NEDD4L: variants seen among roughly 807,000 people sequenced by gnomAD.
The protein encoded by NEDD4L is NEDD4 like E3 ubiquitin protein ligase.
In NEDD4L, 54 loss-of-function variants were observed where a neutral mutation model predicts 148.9. That is an observed-to-expected ratio of 0.36 (90% CI 0.29 to 0.45). NEDD4L has a LOEUF of 0.45. Among genes scored for constraint, NEDD4L ranks in the 20% least tolerant of loss-of-function variants. NEDD4L has a pLI of 1.00. For missense variants in NEDD4L, 856 were observed against 1,233.8 expected, an observed-to-expected ratio of 0.69 and a Z score of 4.59; for synonymous variants, 433 against 440.7, an observed-to-expected ratio of 0.98 and a Z score of 0.22.
chr18:58,045,486 C>G (rs1598902654), intron 1 of NEDD4L: 1 of 193,558 alleles, frequency 5.2e-6, no homozygotes, highest in Non-Finnish European at 1.0e-5. Context: ...CCCAGGCGGT[C>G]GGTTTCACTG....
intron 1 of NEDD4L, among the ~76,000 whole-genome samples, chr18:58,072,864 G>A (rs1179084938): frequency 7.2e-5 from 8 of 110,756 alleles, no homozygotes; most frequent in Non-Finnish European, 1.2e-4. Context: ...TAAGGCGCGC[G>A]CGCGCGCGCA....
intron 1 of NEDD4L, among the ~76,000 whole-genome samples, chr18:58,109,085 A>G (rs1428344182): frequency 6.6e-6 from 1 of 152,254 alleles, no homozygotes; most frequent in Non-Finnish European, 1.5e-5. Flanking sequence ...TATAGCAAGA[A>G]AATTTGGATC....
At chr18:58,272,702 T>C in intron 5 of NEDD4L, among the ~76,000 whole-genome samples, 1 of 152,166 alleles carries the variant, frequency 6.6e-6, no homozygotes, top group East Asian at 1.9e-4. Flanking sequence ...AGTTTGGTGA[T>C]TCACTTGCTG....
At chr18:58,148,815 CT>C (rs1414038997) in intron 1 of NEDD4L, among the ~76,000 whole-genome samples, 1 of 152,186 alleles carries the variant, frequency 6.6e-6, no homozygotes, top group East Asian at 1.9e-4. Context: ...TCATATTAAG[CT>C]TTATGGAAGA....
intron 5 of NEDD4L, among the ~76,000 whole-genome samples, chr18:58,266,771 A>G (rs1172913599): frequency 6.6e-6 from 1 of 152,130 alleles, no homozygotes; most frequent in Non-Finnish European, 1.5e-5. Flanking sequence ...AGTGATTTTT[A>G]AACACTTAAG....
In NEDD4L at chr18:58,141,223, G is replaced by A. The variant is rs191545498; in HGVS notation, c.49-24565G>A. Among the ~76,000 whole-genome samples, 587 of 152,278 alleles carry A rather than the reference G, an allele frequency of 3.9e-3. 1 individual carries two copies. The highest frequency in any genetic ancestry group is 6.5e-3 in the Non-Finnish European group (442 of 68,026). On this transcript the variant is annotated intron_variant, in intron 1 of 30. Transcript: ENST00000400345. ...CTGGTGTTGGAGGTCATTACCTGGCGGGGGATGTGGTAGATAAAGCACCTT... is the reference window on the plus strand; with the variant it reads ...CTGGTGTTGGAGGTCATTACCTGGCAGGGGATGTGGTAGATAAAGCACCTT...
chr18:58,234,795 G>A (rs2045812303), intron 2 of NEDD4L, among the ~76,000 whole-genome samples: 1 of 152,174 alleles, frequency 6.6e-6, no homozygotes, highest in South Asian at 2.1e-4. Context: ...CCAAGTTCAA[G>A]ATCTTGCCTC....
intron 1 of NEDD4L, among the ~76,000 whole-genome samples, chr18:58,097,209 A>G (rs1249227459): frequency 6.6e-6 from 1 of 152,226 alleles, no homozygotes; most frequent in African/African-American, 2.4e-5. Flanking sequence ...AAATGAGACC[A>G]TTGTAAATGA....
intron 2 of NEDD4L, among the ~76,000 whole-genome samples, chr18:58,242,715 A>G (rs926023135): frequency 1.3e-5 from 2 of 152,088 alleles, no homozygotes; most frequent in Non-Finnish European, 2.9e-5. Context: ...CATGTTGCCC[A>G]GGCTGGTCTT....
At chr18:58,314,809 C>A (rs1179526019) in intron 5 of NEDD4L, among the ~76,000 whole-genome samples, 1 of 152,104 alleles carries the variant, frequency 6.6e-6, no homozygotes, top group Non-Finnish European at 1.5e-5. Flanking sequence ...AGATGGCTTT[C>A]CAGTTCATCA....
chr18:58,077,068 C>T lies in NEDD4L; in HGVS notation c.48+32360C>T, dbSNP rs186189367. Among the ~76,000 whole-genome samples, 10 of 146,998 alleles carry T rather than the reference C, an allele frequency of 6.8e-5. No homozygotes were observed. The East Asian group carries it at 2.2e-3, about 32-fold the overall frequency. On this transcript the variant is annotated intron_variant, in intron 1 of 30. Transcript: ENST00000400345. The stretch of plus-strand genomic sequence containing the variant: ...GGTTTTGCTAACAGGCCAGTCTGGT[C>T]TTGAACTCCTGACCTCAGGTAATCT...
intron 5 of NEDD4L, among the ~76,000 whole-genome samples, chr18:58,299,061 C>G (rs1422817653): frequency 6.6e-6 from 1 of 152,190 alleles, no homozygotes; most frequent in African/African-American, 2.4e-5. Flanking sequence ...TGCGATAAGG[C>G]TGAAGAAGGC....
intron 2 of NEDD4L, chr18:58,221,530 G>T (rs910779819): frequency 5.1e-6 from 5 of 985,034 alleles, no homozygotes; most frequent in Non-Finnish European, 6.0e-6. Flanking sequence ...TCATTGAAGT[G>T]AATCATCAGT....
At chr18:58,166,993 T>G (rs1381703501) in intron 2 of NEDD4L, among the ~76,000 whole-genome samples, 2 of 152,118 alleles carry the variant, frequency 1.3e-5, no homozygotes, top group East Asian at 3.8e-4. Flanking sequence ...CATGATTGAG[T>G]TTTGTCTATT....
chr18:58,125,065 T>C (rs1310121394), intron 1 of NEDD4L, among the ~76,000 whole-genome samples: 1 of 152,092 alleles, frequency 6.6e-6, no homozygotes, highest in Non-Finnish European at 1.5e-5. Flanking sequence ...ACCAGCTAAT[T>C]TATTAAAAAA....
At chr18:58,122,694 A>G (rs113809377) in intron 1 of NEDD4L, among the ~76,000 whole-genome samples, 65 of 152,082 alleles carry the variant, frequency 4.3e-4, no homozygotes, top group African/African-American at 1.5e-3. Flanking sequence ...GCAGTTGTCA[A>G]GTGGTGTCCA....
At position 58,254,337 on chromosome 18, in the gene NEDD4L, G is replaced by A. The variant is rs117723770; in HGVS notation, c.297+2283G>A. 7.2e-5 allele frequency among the ~76,000 whole-genome samples: 11 copies of A among 152,114 alleles called. No individual in the cohort carries two copies. In the East Asian group the frequency reaches 1.9e-3, roughly 27 times the overall value. ...TGATGTTTCTGGATCATAGAAAATA[G>A]TAAGTTTAAAATACAGAATATTTCC... On this transcript the variant is annotated intron_variant, in intron 5 of 30. Coordinates refer to ENST00000400345, the MANE Select transcript of NEDD4L (RefSeq NM_001144967.3).
At chr18:58,196,007 C>A (rs955913753) in intron 2 of NEDD4L, among the ~76,000 whole-genome samples, 1 of 152,150 alleles carries the variant, frequency 6.6e-6, no homozygotes, top group African/African-American at 2.4e-5. Flanking sequence ...GTGGTGCAGT[C>A]AAAAATTACA....
At chr18:58,245,862 T>G (rs1485218702) in intron 3 of NEDD4L, among the ~76,000 whole-genome samples, 33 of 145,954 alleles carry the variant, frequency 2.3e-4, no homozygotes, top group African/African-American at 8.1e-4. Flanking sequence ...TTTTTTTTTT[T>G]TTTTTTTGTA....
Sources: gnomAD v4.1 joint callset for allele counts (sites outside exome capture counted in the v4.1 genomes callset) on GRCh38, gnomAD v4.1.1 for gene constraint, MANE v1.5 for transcripts, NCBI Gene and HGNC (gene_info 2026-07-23, HGNC 2026-07-21) for gene names.